Variants in TOX2 observed in about 807,000 individuals in gnomAD.
TOX2 encodes the protein granulosa cell HMG box 1.
In TOX2, 15 loss-of-function variants were observed where a neutral mutation model predicts 47.4. That is an observed-to-expected ratio of 0.32 (90% CI 0.21 to 0.49). The LOEUF is 0.49. TOX2 is among the 20% of genes least tolerant of loss of function. The pLI, the probability that TOX2 is intolerant of heterozygous loss-of-function variation, is 0.99. For synonymous variants in TOX2, 290 were observed against 296.6 expected (o/e 0.98, Z 0.23); for missense variants, 622 against 673.1 (o/e 0.92, Z 0.84).
intron 3 of TOX2, among the ~76,000 whole-genome samples, chr20:44,017,241 C>T (rs2070895088): frequency 6.6e-6 from 1 of 152,254 alleles, no homozygotes; most frequent in African/African-American, 2.4e-5. Flanking sequence ...AAGCCCAGTT[C>T]TTCCTGCACC....
At chr20:43,971,631 A>G (rs1430909163) in intron 1 of TOX2, among the ~76,000 whole-genome samples, 4 of 152,254 alleles carry the variant, frequency 2.6e-5, no homozygotes, top group Non-Finnish European at 5.9e-5. Context: ...CCTATGCTCA[A>G]TAACAGATGC....
chr20:44,013,520 A>G (rs1020655950), intron 3 of TOX2, among the ~76,000 whole-genome samples: 2 of 152,176 alleles, frequency 1.3e-5, no homozygotes, highest in Non-Finnish European at 2.9e-5. Context: ...CAACCCATTC[A>G]TTTCATTACT....
Position 44,006,877 on chromosome 20 carries a change from A to C in TOX2, c.411+85A>C, listed in dbSNP as rs965257597. ...GAAGCAGAAGAATGTTGATGCTTTG[A>C]TAAGAACTCTCTGCTCATGGGCAGG... is the stretch of plus-strand genomic sequence containing the variant. On this transcript the variant is annotated intron_variant, in intron 3 of 8. Transcript: ENST00000341197. 17 of 1,493,848 alleles carry C rather than the reference A, an allele frequency of 1.1e-5. No homozygotes were observed. In the African/African-American group the frequency reaches 2.4e-4, roughly 21 times the overall value. The allele number at this position is 1,493,848 out of a possible 1,614,324, so 92.5% of individuals were successfully genotyped here.
intron 3 of TOX2, among the ~76,000 whole-genome samples, chr20:44,023,389 C>G (rs913086823): frequency 2.8e-5 from 4 of 140,824 alleles, no homozygotes; most frequent in African/African-American, 1.1e-4. Context: ...AAGATCGCAC[C>G]ACTGCATTCC....
intron 1 of TOX2, among the ~76,000 whole-genome samples, chr20:43,934,221 G>C (rs958316784): frequency 4.0e-5 from 6 of 151,794 alleles, no homozygotes; most frequent in African/African-American, 1.5e-4. Context: ...GCAGTGTTCA[G>C]GGAGGACTTC....
At chr20:43,972,586 A>C (rs2069994303) in intron 1 of TOX2, among the ~76,000 whole-genome samples, 1 of 152,324 alleles carries the variant, frequency 6.6e-6, no homozygotes, top group South Asian at 2.1e-4. Context: ...GCAACATCCT[A>C]TGAGGAGGGG....
At chr20:44,020,496 C>A (rs1262959541) in intron 3 of TOX2, among the ~76,000 whole-genome samples, 1 of 152,186 alleles carries the variant, frequency 6.6e-6, no homozygotes, top group Non-Finnish European at 1.5e-5. Flanking sequence ...AAAAAGATGG[C>A]CCCTCTTGGC....
intron 1 of TOX2, among the ~76,000 whole-genome samples, 198 bp from the exon 2 acceptor site, chr20:43,973,169 C>G (rs763852999): frequency 4.6e-5 from 7 of 152,210 alleles, no homozygotes; most frequent in Admixed American, 1.3e-4. Flanking sequence ...ACTCAAGGGC[C>G]GTGGAACAGG....
intron 2 of TOX2, among the ~76,000 whole-genome samples, chr20:43,986,438 T>G (rs2070266656): frequency 6.6e-6 from 1 of 152,082 alleles, no homozygotes; most frequent in Non-Finnish European, 1.5e-5. Flanking sequence ...TGTGCCATCA[T>G]GCCCAGCTAA....
chr20:43,937,626 G>A (rs111874353), intron 1 of TOX2, among the ~76,000 whole-genome samples: 95 of 152,212 alleles, frequency 6.2e-4, no homozygotes, highest in African/African-American at 1.9e-3. Flanking sequence ...TAGGGAGGGT[G>A]CACAGAGGAA....
intron 1 of TOX2, among the ~76,000 whole-genome samples, chr20:43,972,279 G>A (rs780187696): frequency 2.9e-4 from 44 of 152,264 alleles, no homozygotes; most frequent in African/African-American, 7.7e-4. Context: ...CCCTTGCTTC[G>A]TGTTGGTACT....
At chr20:44,001,872 G>A (rs537639158) in intron 2 of TOX2, among the ~76,000 whole-genome samples, 1 of 152,282 alleles carries the variant, frequency 6.6e-6, no homozygotes, top group African/African-American at 2.4e-5. Context: ...GTTGTAATGA[G>A]TCATTACTGT....
At chr20:44,018,110 C>A (rs1184147515) in intron 3 of TOX2, among the ~76,000 whole-genome samples, 1 of 152,088 alleles carries the variant, frequency 6.6e-6, no homozygotes, top group Non-Finnish European at 1.5e-5. Context: ...GCCTTGGGGG[C>A]CAGAGGACAG....
intron 3 of TOX2, among the ~76,000 whole-genome samples, chr20:44,022,840 G>C (rs1234245734): frequency 6.6e-6 from 1 of 152,138 alleles, no homozygotes; most frequent in Non-Finnish European, 1.5e-5. Context: ...GTGTCCTTGG[G>C]ATCCACCCTC....
chr20:44,053,546 A>G (rs1212138411), intron 4 of TOX2, among the ~76,000 whole-genome samples: 1 of 143,584 alleles, frequency 7.0e-6, no homozygotes. Flanking sequence ...TATACTATAT[A>G]TATACATATA....
At position 43,931,792 on chromosome 20, in the gene TOX2, A is replaced by G. The variant is rs1229484646; in HGVS notation, c.99+16802A>G. On this transcript the variant is annotated intron_variant, in intron 1 of 8. Coordinates refer to ENST00000341197, the MANE Select transcript of TOX2 (RefSeq NM_001098797.2). ...ATGATGGCTTGTGGCCATGCTATCC[A>G]GTAAGGTAGCCAGTAGCCGTGTGTG... Among the ~76,000 whole-genome samples the G allele has an allele frequency of 2.0e-5, 3 of 152,246 alleles. No individual in the cohort carries two copies. The South Asian group carries it at 6.2e-4, about 31-fold the overall frequency.
Position 44,051,488 on chromosome 20 carries a change from A to T in TOX2, c.594A>T (p.Ser198=), listed in dbSNP as rs1002005676. 15 of 1,612,828 alleles carry T rather than the reference A, an allele frequency of 9.3e-6. 1 individual carries two copies. Among genetic ancestry groups the T allele is most frequent in the Non-Finnish European group, 1.3e-5 (15 of 1,179,258 alleles). The change falls in exon 4 of 9, where the codon TCA becomes TCT. Residue 198 remains serine (S), a synonymous_variant. Coordinates refer to ENST00000341197, the MANE Select transcript of TOX2 (RefSeq NM_001098797.2). ...HSSPSPPGSK[S]ATPSPSSSTQ... ...CCCCATCACCGCCGGGGAGCAAGTC[A>T]GCGACCCCCTCTCCCTCCAGCTCCA...
intron 1 of TOX2, among the ~76,000 whole-genome samples, chr20:43,936,027 G>A (rs538306919): frequency 4.0e-5 from 6 of 150,402 alleles, no homozygotes; most frequent in African/African-American, 1.5e-4. Flanking sequence ...ACATATTCTT[G>A]CATGCACAGG....
At chr20:44,053,901 T>G (rs1436502093) in intron 4 of TOX2, among the ~76,000 whole-genome samples, 1 of 152,214 alleles carries the variant, frequency 6.6e-6, no homozygotes, top group African/African-American at 2.4e-5. Context: ...TAAGGCAAAT[T>G]AACTTTGCCC....
Sources: allele counts gnomAD v4.1 joint callset (sites outside exome capture counted in the v4.1 genomes callset), GRCh38; gene constraint gnomAD v4.1.1; transcripts MANE v1.5; gene names NCBI Gene and HGNC (gene_info 2026-07-23, HGNC 2026-07-21).